The following MTSS2 variants were observed in gnomAD, a reference collection of about 807,000 sequenced individuals.
MTSS2 encodes the protein protein MTSS 2.
Under a neutral mutation model 67.1 loss-of-function variants are expected in MTSS2, and 27 were observed. That is an observed-to-expected ratio of 0.40 (90% CI 0.30 to 0.55). The LOEUF (loss-of-function observed/expected upper bound fraction) is 0.55, where lower values mean the gene tolerates loss of function less well. MTSS2 is among the 20% of genes least tolerant of loss of function. The pLI is 0.43. For synonymous variants in MTSS2, 624 were observed against 468.6 expected, an observed-to-expected ratio of 1.33 and a Z score of -4.28; for missense variants, 1,171 against 1,067.8, an observed-to-expected ratio of 1.10 and a Z score of -1.35.
At chr16:70,677,578 T>G (rs916456714) in intron 9 of MTSS2, among the ~76,000 whole-genome samples, 4 of 152,198 alleles carry the variant, frequency 2.6e-5, no homozygotes, top group Admixed American at 2.6e-4. Context: ...CCATCTACTC[T>G]GAGTCTGAGA....
intron 10 of MTSS2, among the ~76,000 whole-genome samples, chr16:70,675,363 C>T (rs1379053269): frequency 6.6e-6 from 1 of 152,082 alleles, no homozygotes; most frequent in Non-Finnish European, 1.5e-5. Context: ...GTCGAGGCCA[C>T]AGTGAGCCAT....
chr16:70,680,119 C>A, intron 3 of MTSS2, 64 bp from the exon 4 acceptor site: 1 of 1,171,352 alleles, frequency 8.5e-7, no homozygotes, highest in Non-Finnish European at 1.1e-6. Context: ...GGCCTCGGGC[C>A]AGGAGGGGGC....
intron 11 of MTSS2, among the ~76,000 whole-genome samples, chr16:70,669,172 A>G (rs1291761601): frequency 6.6e-6 from 1 of 152,220 alleles, no homozygotes; most frequent in Non-Finnish European, 1.5e-5. Context: ...AAACTGGACT[A>G]TTTTAAAACT....
At chr16:70,674,269 C>A in intron 11 of MTSS2, 37 bp downstream of exon 11, 3 of 1,590,296 alleles carry the variant, frequency 1.9e-6, no homozygotes, top group Non-Finnish European at 2.6e-6. Context: ...AAGGCTGCTG[C>A]ACCCCACCCT....
chr16:70,673,925 AAAAAC>A (rs1427290545), intron 11 of MTSS2, among the ~76,000 whole-genome samples: 5 of 152,142 alleles, frequency 3.3e-5, no homozygotes, highest in Non-Finnish European at 5.9e-5. Context: ...AGAGAAAAGA[AAAAAC>A]AAAGTCAAGG....
rs2052624392 is a variant in MTSS2 at position 70,664,517 on chromosome 16, GCA to G, written c.1472-70_1472-69del. The G allele has an allele frequency of 3.2e-6, 5 of 1,568,732 alleles. No individual in the cohort carries two copies. The South Asian group carries it at 4.8e-5, about 15-fold the overall frequency. ...CCTTGCCCCCAGCCCACCAGGGTGA[GCA>G]CAGAGGGGGAAGGACGGGGCCCTCC... On this transcript the variant is annotated intron_variant, in intron 14 of 14. Transcript: ENST00000338779.
Position 70,663,013 on chromosome 16 carries a change from G to C in MTSS2, c.*664C>G, listed in dbSNP as rs1418641739. On this transcript the variant is annotated 3_prime_UTR_variant, in exon 15 of 15. Coordinates refer to ENST00000338779, the MANE Select transcript of MTSS2 (RefSeq NM_138383.3). Reference sequence around the variant, plus strand: ...GAGGCGAGGGGTGGGAGCCACCACAGGGCCCCCAAGACCCCCCCCCCCAAG... The same window carrying C: ...GAGGCGAGGGGTGGGAGCCACCACACGGCCCCCAAGACCCCCCCCCCCAAG... 1 of 145,722 alleles carries C rather than the reference G, an allele frequency of 6.9e-6. No individual in the cohort carries two copies. Among genetic ancestry groups the C allele is most frequent in the African/African-American group, 2.5e-5 (1 of 39,608 alleles). 9.0% of individuals were successfully genotyped at this position (145,722 alleles called of 1,614,324 possible).
rs1177290530 is a variant in MTSS2, at chr16:70,664,025, C to A, written c.1896G>T (p.Lys632Asn). 6.2e-7 allele frequency: 1 copy of A among 1,606,906 alleles called. No individual in the cohort carries two copies. Among genetic ancestry groups the A allele is most frequent in the Non-Finnish European group, 8.5e-7 (1 of 1,177,536 alleles). ...TASPLAPDLA[K>N]ASPKRLSLPN... ...GCAGGCTGAGCCTCTTTGGGGAGGC[C>A]TTGGCGAGGTCCGGTGCCAGGGGTG... The change falls in exon 15 of 15, where the codon AAG (lysine) becomes AAT (asparagine). Residue 632 changes from lysine (K) to asparagine (N), a missense_variant. By Grantham distance (94) the Lys-to-Asn change is moderately conservative. This residue lies in a region of MTSS2 where 924 missense variants were observed against 756.0 expected (regional missense o/e 1.22). Transcript: ENST00000338779.
At position 70,681,069 on chromosome 16, in the gene MTSS2, T is replaced by C. The variant is rs754872706; in HGVS notation, c.70-44A>G. The C allele has an allele frequency of 1.1e-5, 17 of 1,567,750 alleles. No individual in the cohort carries two copies. In the African/African-American group the frequency reaches 1.3e-4, roughly 12 times the overall value. On this transcript the variant is annotated intron_variant, in intron 1 of 14. Coordinates refer to ENST00000338779, the MANE Select transcript of MTSS2 (RefSeq NM_138383.3). ...AGAAAGTGAGCTTCTTGTGGGGTGG[T>C]TGCAGGGCTTGACCTGGGCCGGGCT...
At chr16:70,685,614 A>G in intron 1 of MTSS2, 109 bp downstream of exon 1, 1 of 606,328 alleles carries the variant, frequency 1.6e-6, no homozygotes, top group Non-Finnish European at 2.1e-6. Context: ...ACAAGGACAC[A>G]CAGACACCGC....
chr16:70,664,427 G>C lies in MTSS2; in HGVS notation c.1494C>G (p.Ser498=). 10 of 1,542,466 alleles carry C rather than the reference G, an allele frequency of 6.5e-6. No individual in the cohort carries two copies. The highest frequency in any genetic ancestry group is 7.8e-6 in the Non-Finnish European group (9 of 1,147,440). Residue 498 remains serine, a synonymous_variant, in exon 15 of 15, where the codon TCC becomes TCG. Transcript: ENST00000338779. The part of the protein sequence containing the change: ...PSQGSDYDCY[S]VNGDADSEGP... ...CCTCGCTGTCCGCATCCCCATTCAC[G>C]GAGTAGCAGTCGTAGTCGGAGCCTG...
chr16:70,665,360 C>G (rs549089328), intron 12 of MTSS2, 106 bp downstream of exon 12: 34 of 1,237,042 alleles, frequency 2.7e-5, no homozygotes, highest in Middle Eastern at 2.6e-4. Context: ...GTGCACGCAC[C>G]CCTGGCTGAA....
chr16:70,679,392 G>GTGT, intron 6 of MTSS2, 69 bp from the exon 7 acceptor site: 1 of 1,588,202 alleles, frequency 6.3e-7, no homozygotes, highest in African/African-American at 1.3e-5. Context: ...GACGCCGGAT[G>GTGT]GACAGAGCCA....
chr16:70,680,663 C>G, intron 3 of MTSS2, 131 bp downstream of exon 3: 1 of 776,924 alleles, frequency 1.3e-6, no homozygotes, highest in South Asian at 1.7e-5. Context: ...CCAGCCCACT[C>G]CACTAAGGAG....
chr16:70,682,782 T>C (rs2053340607), intron 1 of MTSS2, among the ~76,000 whole-genome samples: 1 of 152,030 alleles, frequency 6.6e-6, no homozygotes, highest in Non-Finnish European at 1.5e-5. Context: ...CAGCAGCCAG[T>C]GCCCCAGGAA....
chr16:70,676,857 C>A, intron 10 of MTSS2, 24 bp downstream of exon 10: 1 of 1,606,938 alleles, frequency 6.2e-7, no homozygotes. Context: ...CCCCCACACC[C>A]CTGGGAACCC....
intron 11 of MTSS2, among the ~76,000 whole-genome samples, chr16:70,670,951 C>T (rs1462464076): frequency 9.0e-6 from 1 of 110,996 alleles, no homozygotes; most frequent in East Asian, 2.7e-4. Flanking sequence ...GCCTGGGTGA[C>T]AGAGTGAGAC....
Position 70,663,637 on chromosome 16 carries a change from G to A in MTSS2, c.*40C>T. The A allele has an allele frequency of 1.3e-6, 2 of 1,514,578 alleles. No individual in the cohort carries two copies. The highest frequency in any genetic ancestry group is 1.8e-6 in the Non-Finnish European group (2 of 1,131,072). 93.8% of individuals were successfully genotyped at this position (1,514,578 alleles called of 1,614,324 possible). ...CTGCGGCTCACAGACCAGGCCACCT[G>A]CTCGCACTGGGGCCTGAGAGGATGG... On this transcript the variant is annotated 3_prime_UTR_variant, in exon 15 of 15. Transcript: ENST00000338779.
At position 70,664,274 on chromosome 16, in the gene MTSS2, CGTGGGCAGCCCCG is replaced by C; in HGVS notation, c.1634_1646del (p.Ala545GlyfsTer45). On this transcript the variant is annotated frameshift_variant, in exon 15 of 15. Transcript: ENST00000338779. LOFTEE classifies it low-confidence loss of function (END_TRUNC). ...GTGCGCCCGAGGGCAGGCCAGTGGC[CGTGGGCAGCCCCG>C]CGGTGGGCAGCCCAGCAGTGGAGGC... 6.4e-7 allele frequency: 1 copy of C among 1,557,396 alleles called. No individual in the cohort carries two copies.
Sources: allele counts gnomAD v4.1 joint callset (sites outside exome capture counted in the v4.1 genomes callset), GRCh38; gene constraint gnomAD v4.1.1; regional missense constraint gnomAD v4.1.1; transcripts MANE v1.5; gene names NCBI Gene and HGNC (gene_info 2026-07-23, HGNC 2026-07-21).